The following DNM3 variants were observed in gnomAD, a reference collection of about 807,000 sequenced individuals.
DNM3 encodes the protein dynamin-3.
Under a neutral mutation model 101.6 loss-of-function variants are expected in DNM3, and 47 were observed. The observed-to-expected ratio is 0.46, with a 90% CI of 0.37 to 0.59. The LOEUF is 0.59. Ranked by LOEUF, DNM3 falls within the 20% of genes least tolerant of loss-of-function variation. The pLI is 0.00. For synonymous variants in DNM3, 385 were observed against 387.9 expected, an observed-to-expected ratio of 0.99 and a Z score of 0.09; for missense variants, 849 against 1,085.7, an observed-to-expected ratio of 0.78 and a Z score of 3.06.
At chr1:172,198,899 C>T (rs1415386109) in intron 14 of DNM3, among the ~76,000 whole-genome samples, 2 of 151,662 alleles carry the variant, frequency 1.3e-5, no homozygotes, top group East Asian at 3.9e-4. Context: ...TTTTGTGTCT[C>T]AATTTCCTTC....
chr1:172,346,357 C>T (rs1477878498), intron 17 of DNM3, among the ~76,000 whole-genome samples: 2 of 152,230 alleles, frequency 1.3e-5, no homozygotes, highest in Middle Eastern at 3.4e-3. Flanking sequence ...TGAAGGTGTA[C>T]AGTGAAGACT....
At chr1:172,267,988 A>C (rs2062935345) in intron 15 of DNM3, among the ~76,000 whole-genome samples, 1 of 152,230 alleles carries the variant, frequency 6.6e-6, no homozygotes, top group Non-Finnish European at 1.5e-5. Context: ...CTGGGATTAC[A>C]GGTATGAGCC....
At chr1:171,864,687 A>G (rs2034535786) in intron 1 of DNM3, 1 of 152,220 alleles carries the variant, frequency 6.6e-6, no homozygotes, top group African/African-American at 2.4e-5. Flanking sequence ...CACAACACTT[A>G]TTGTGGGATT....
intron 13 of DNM3, 111 bp from the exon 14 acceptor site, chr1:172,131,064 A>G: frequency 1.1e-6 from 1 of 901,474 alleles, no homozygotes; most frequent in South Asian, 1.5e-5. Flanking sequence ...GAGGGAAAAT[A>G]CTATTTTTAT....
intron 14 of DNM3, among the ~76,000 whole-genome samples, chr1:172,150,604 G>T (rs910447003): frequency 3.9e-5 from 6 of 152,182 alleles, no homozygotes; most frequent in African/African-American, 1.4e-4. Context: ...TGAAAGGTAG[G>T]ATCTCTCCAT....
At chr1:172,385,992 G>T (rs1023479) in intron 18 of DNM3, among the ~76,000 whole-genome samples, 2 of 152,070 alleles carry the variant, frequency 1.3e-5, no homozygotes, top group African/African-American at 4.8e-5. Context: ...AAGTCAGAAG[G>T]TTATGGATTC....
intron 4 of DNM3, among the ~76,000 whole-genome samples, chr1:172,001,351 A>G (rs1238069389): frequency 6.6e-6 from 1 of 151,988 alleles, no homozygotes; most frequent in Non-Finnish European, 1.5e-5. Context: ...ATATTGCTAT[A>G]CCCTGGCTGA....
At chr1:172,277,478 G>A (rs1354009364) in intron 15 of DNM3, among the ~76,000 whole-genome samples, 2 of 152,048 alleles carry the variant, frequency 1.3e-5, no homozygotes, top group Non-Finnish European at 2.9e-5. Context: ...GGCAGTGAGT[G>A]TAGGAGTCTC....
intron 15 of DNM3, among the ~76,000 whole-genome samples, chr1:172,297,973 C>T (rs1028458262): frequency 6.6e-6 from 1 of 151,994 alleles, no homozygotes; most frequent in Non-Finnish European, 1.5e-5. Context: ...CTGGGTCTTT[C>T]CTCCACACCC....
At chr1:171,912,686 C>A (rs1039077238) in intron 1 of DNM3, among the ~76,000 whole-genome samples, 3 of 152,202 alleles carry the variant, frequency 2.0e-5, no homozygotes, top group Admixed American at 2.0e-4. Context: ...CTCAAAACCT[C>A]TAATTACATC....
chr1:172,050,578 C>T (rs12091015), intron 10 of DNM3, among the ~76,000 whole-genome samples: 57,230 of 152,086 alleles, frequency 0.38, 11,375 homozygotes, highest in Non-Finnish European at 0.43. Flanking sequence ...TACAAAAGCT[C>T]TGCTATTGAC....
intron 1 of DNM3, among the ~76,000 whole-genome samples, chr1:171,895,949 A>G (rs2125200087): frequency 6.6e-6 from 1 of 152,326 alleles, no homozygotes; most frequent in South Asian, 2.1e-4. Context: ...AGATGGTTGT[A>G]GATGGGTGGT....
intron 4 of DNM3, among the ~76,000 whole-genome samples, chr1:172,021,281 G>A (rs986456595): frequency 9.9e-5 from 15 of 152,050 alleles, no homozygotes; most frequent in African/African-American, 3.6e-4. Context: ...GACCAGCCTG[G>A]GCAATATAGC....
chr1:172,161,343 T>C (rs1320364940), intron 14 of DNM3, among the ~76,000 whole-genome samples: 1 of 151,942 alleles, frequency 6.6e-6, no homozygotes, highest in Non-Finnish European at 1.5e-5. Flanking sequence ...TCGAATGTTA[T>C]CATGGGCCGT....
At chr1:171,894,028 C>T (rs1397116422) in intron 1 of DNM3, among the ~76,000 whole-genome samples, 2 of 151,950 alleles carry the variant, frequency 1.3e-5, no homozygotes, top group African/African-American at 2.4e-5. Context: ...TTCACCATGT[C>T]GGCCAGGATG....
chr1:172,413,652 T>TATC (rs1171190703), downstream of DNM3, among the ~76,000 whole-genome samples: 1 of 152,216 alleles, frequency 6.6e-6, no homozygotes, highest in East Asian at 1.9e-4. Flanking sequence ...ACAAGTCCCT[T>TATC]ATCAATTGAC....
intron 4 of DNM3, among the ~76,000 whole-genome samples, chr1:172,018,733 A>G (rs1645461466): frequency 6.6e-6 from 1 of 152,194 alleles, no homozygotes; most frequent in African/African-American, 2.4e-5. Context: ...TGTTGCTATT[A>G]TTTTGAACAA....
intron 2 of DNM3, among the ~76,000 whole-genome samples, chr1:171,960,717 G>T (rs149101031): frequency 1.0e-3 from 159 of 152,250 alleles, no homozygotes; most frequent in African/African-American, 3.7e-3. Flanking sequence ...GCTTGGTGGA[G>T]CACAATCCTG....
chr1:172,017,565 T>G (rs546949061), intron 4 of DNM3, among the ~76,000 whole-genome samples: 1 of 152,314 alleles, frequency 6.6e-6, no homozygotes, highest in South Asian at 2.1e-4. Flanking sequence ...AGACATTGTA[T>G]GATTTCTGTT....
Sources: allele counts gnomAD v4.1 joint callset (sites outside exome capture counted in the v4.1 genomes callset), GRCh38; gene constraint gnomAD v4.1.1; transcripts MANE v1.5; gene names NCBI Gene and HGNC (gene_info 2026-07-23, HGNC 2026-07-21).